Variants in PLCB1 observed in about 807,000 individuals in gnomAD.
PLCB1 encodes phospholipase C beta 1.
In PLCB1, 46 loss-of-function variants were observed where a neutral mutation model predicts 161.8. The ratio of observed to expected loss-of-function variants is 0.28; its 90% CI spans 0.22 to 0.36. PLCB1 has a LOEUF of 0.36. PLCB1 is among the 10% of genes least tolerant of loss of function. The pLI is 1.00. For missense variants in PLCB1, 1,016 were observed against 1,472.5 expected, an observed-to-expected ratio of 0.69 and a Z score of 5.07; for synonymous variants, 517 against 503.7, an observed-to-expected ratio of 1.03 and a Z score of -0.35.
chr20:8,149,001 G>A (rs189432065), intron 1 of PLCB1, among the ~76,000 whole-genome samples: 1 of 152,152 alleles, frequency 6.6e-6, no homozygotes, highest in South Asian at 2.1e-4. Context: ...GGATGGTGCT[G>A]ATGGCAGCAC....
chr20:8,226,625 A>T (rs1433084089), intron 2 of PLCB1, among the ~76,000 whole-genome samples: 2 of 152,126 alleles, frequency 1.3e-5, no homozygotes, highest in Non-Finnish European at 2.9e-5. Flanking sequence ...CCTTTAAATT[A>T]ACAGGTAATG....
At position 8,701,612 on chromosome 20, in the gene PLCB1, T is replaced by C. The variant is rs566100445; in HGVS notation, c.1167+3829T>C. ...ATTTGCTTAATTCCTATGTTCCTTG[T>C]TTATTGTCCCTTCTACTAACGCATA... On this transcript the variant is annotated intron_variant, in intron 11 of 31. Transcript: ENST00000338037. Among the ~76,000 whole-genome samples the C allele has an allele frequency of 1.1e-4, 17 of 152,346 alleles. No homozygotes were observed. The South Asian group carries it at 2.1e-3, about 19-fold the overall frequency.
chr20:8,161,783 C>CTT (rs58456108), intron 2 of PLCB1, among the ~76,000 whole-genome samples: 5 of 140,996 alleles, frequency 3.5e-5, no homozygotes, highest in South Asian at 2.3e-4. Context: ...GAACATTGGA[C>CTT]TTTTTTTTTT....
intron 2 of PLCB1, among the ~76,000 whole-genome samples, chr20:8,297,003 T>C (rs1238598222): frequency 6.6e-6 from 1 of 152,098 alleles, no homozygotes; most frequent in Non-Finnish European, 1.5e-5. Flanking sequence ...TTGCTTTGAA[T>C]GAACTTGAGT....
intron 31 of PLCB1, among the ~76,000 whole-genome samples, chr20:8,840,776 A>G (rs1190270648): frequency 6.6e-6 from 1 of 152,096 alleles, no homozygotes; most frequent in African/African-American, 2.4e-5. Flanking sequence ...ATATTGTACT[A>G]AATCACTTCC....
At chr20:8,750,197 A>G (rs4816074) in intron 23 of PLCB1, among the ~76,000 whole-genome samples, 14,083 of 152,208 alleles carry the variant, frequency 0.093, 805 homozygotes, top group South Asian at 0.18. Flanking sequence ...TGCTGTGTCA[A>G]GATTCACTTG....
At chr20:8,152,501 A>G (rs752512720) in intron 2 of PLCB1, among the ~76,000 whole-genome samples, 1 of 152,116 alleles carries the variant, frequency 6.6e-6, no homozygotes, top group Non-Finnish European at 1.5e-5. Flanking sequence ...TTTTTGCATA[A>G]GATCATTTGA....
Position 8,407,793 on chromosome 20 carries a change from G to A in PLCB1, c.246+36343G>A, listed in dbSNP as rs372561060. ...TGCTGGTTTGTAACCTTGGTGTGATGTAATAATGACATTATCTGCTGGTCT... is the reference window on the plus strand; with the variant it reads ...TGCTGGTTTGTAACCTTGGTGTGATATAATAATGACATTATCTGCTGGTCT... On this transcript the variant is annotated intron_variant, in intron 3 of 31. Coordinates refer to ENST00000338037, the MANE Select transcript of PLCB1 (RefSeq NM_015192.4). Among the ~76,000 whole-genome samples the A allele has an allele frequency of 2.6e-5, 4 of 152,156 alleles. No individual in the cohort carries two copies. In the East Asian group the frequency reaches 7.7e-4, roughly 29 times the overall value.
chr20:8,243,785 T>C (rs987170659), intron 2 of PLCB1, among the ~76,000 whole-genome samples: 1 of 151,978 alleles, frequency 6.6e-6, no homozygotes, highest in Non-Finnish European at 1.5e-5. Flanking sequence ...CCTATAGTAA[T>C]TGTTTTTAGC....
chr20:8,853,057 A>G (rs182970368), intron 31 of PLCB1, among the ~76,000 whole-genome samples: 29 of 152,338 alleles, frequency 1.9e-4, no homozygotes, highest in Admixed American at 1.7e-3. Flanking sequence ...AGAATGCATG[A>G]ATTTACAGAT....
At chr20:8,660,267 T>A (rs1309384499) in intron 9 of PLCB1, among the ~76,000 whole-genome samples, 1 of 152,076 alleles carries the variant, frequency 6.6e-6, no homozygotes, top group Non-Finnish European at 1.5e-5. Context: ...CTTCCTTCCC[T>A]AGTACACAAG....
chr20:8,788,852 AGAT>A (rs1983617083), intron 29 of PLCB1, 130 bp downstream of exon 29: 1 of 637,624 alleles, frequency 1.6e-6, no homozygotes, highest in Admixed American at 3.2e-5. Context: ...GCCTTTCAAA[AGAT>A]TCTTTTGGTA....
At chr20:8,642,530 G>A (rs1988988689) in intron 4 of PLCB1, among the ~76,000 whole-genome samples, 6 of 152,138 alleles carry the variant, frequency 3.9e-5, no homozygotes, top group Non-Finnish European at 1.5e-5. Context: ...CTTATGAGTA[G>A]AGGTAATCAG....
intron 3 of PLCB1, among the ~76,000 whole-genome samples, chr20:8,496,128 T>G (rs1048086180): frequency 5.3e-5 from 8 of 152,170 alleles, no homozygotes; most frequent in African/African-American, 1.9e-4. Context: ...GAAAACTAAA[T>G]GAGAGGCTTA....
chr20:8,605,408 A>T (rs1426614334), intron 3 of PLCB1, among the ~76,000 whole-genome samples: 2 of 152,056 alleles, frequency 1.3e-5, no homozygotes, highest in African/African-American at 4.8e-5. Flanking sequence ...CCTTAATTGA[A>T]CACACTTAAT....
At chr20:8,485,755 A>G (rs1185990194) in intron 3 of PLCB1, among the ~76,000 whole-genome samples, 1 of 152,206 alleles carries the variant, frequency 6.6e-6, no homozygotes, top group East Asian at 1.9e-4. Context: ...GAAATGTGTG[A>G]TATATGTTTC....
Position 8,585,691 on chromosome 20 carries a change from T to C in PLCB1, c.247-42603T>C, listed in dbSNP as rs1275316636. Among the ~76,000 whole-genome samples, 4 of 152,312 alleles carry C rather than the reference T, an allele frequency of 2.6e-5. No homozygotes were observed. In the East Asian group the frequency reaches 7.7e-4, roughly 29 times the overall value. The stretch of plus-strand genomic sequence containing the variant: ...AGAACCACAAGTTCAGCTAAGTCCC[T>C]CTTCTCTAGGGCCTCATGCTAATGA... On this transcript the variant is annotated intron_variant, in intron 3 of 31. Transcript: ENST00000338037.
At chr20:8,852,397 A>G (rs572100927) in intron 31 of PLCB1, among the ~76,000 whole-genome samples, 1 of 152,224 alleles carries the variant, frequency 6.6e-6, no homozygotes, top group Non-Finnish European at 1.5e-5. Context: ...AATGACAGAA[A>G]CTACTCTGAG....
intron 3 of PLCB1, among the ~76,000 whole-genome samples, chr20:8,627,362 C>T (rs1036042240): frequency 6.8e-6 from 1 of 147,296 alleles, no homozygotes; most frequent in African/African-American, 2.5e-5. Flanking sequence ...CATAAGGATG[C>T]TGTATATCAA....
Sources: gnomAD v4.1 joint callset for allele counts (sites outside exome capture counted in the v4.1 genomes callset) on GRCh38, gnomAD v4.1.1 for gene constraint, MANE v1.5 for transcripts, NCBI Gene and HGNC (gene_info 2026-07-23, HGNC 2026-07-21) for gene names.